The following ST6GALNAC5 variants were observed in gnomAD, a reference collection of about 807,000 sequenced individuals.
ST6GALNAC5 encodes alpha-N-acetylgalactosaminide alpha-2,6-sialyltransferase 5.
Under a neutral mutation model 33.6 loss-of-function variants are expected in ST6GALNAC5, and 27 were observed. The ratio of observed to expected loss-of-function variants is 0.80; its 90% confidence interval spans 0.59 to 1.11. The LOEUF is 1.11. Among genes scored for constraint, ST6GALNAC5 ranks in the 50% least tolerant of loss-of-function variants. The pLI is 0.00. For synonymous variants in ST6GALNAC5, 194 were observed against 171.2 expected, an observed-to-expected ratio of 1.13 and a Z score of -1.04; for missense variants, 428 against 454.0, an observed-to-expected ratio of 0.94 and a Z score of 0.52.
At chr1:76,881,087 T>C (rs1653768091) in intron 2 of ST6GALNAC5, among the ~76,000 whole-genome samples, 1 of 152,194 alleles carries the variant, frequency 6.6e-6, no homozygotes, top group Non-Finnish European at 1.5e-5. Context: ...TGGACAGCTG[T>C]GTAGGGTCTT....
chr1:76,972,630 A>G (rs898422976), intron 2 of ST6GALNAC5, among the ~76,000 whole-genome samples: 1 of 152,338 alleles, frequency 6.6e-6, no homozygotes, highest in East Asian at 1.9e-4. Flanking sequence ...ATAAACCTAC[A>G]AACATAATAC....
At chr1:77,056,832 G>A (rs1015977899) in intron 4 of ST6GALNAC5, among the ~76,000 whole-genome samples, 3 of 152,084 alleles carry the variant, frequency 2.0e-5, no homozygotes, top group African/African-American at 2.4e-5. Flanking sequence ...TGCTCCATGC[G>A]CCTAGACACA....
intron 2 of ST6GALNAC5, among the ~76,000 whole-genome samples, chr1:76,982,663 C>T (rs1201930516): frequency 6.6e-6 from 1 of 152,130 alleles, no homozygotes; most frequent in Non-Finnish European, 1.5e-5. Flanking sequence ...ATACAGAGAA[C>T]ACCACAAAGA....
intron 2 of ST6GALNAC5, among the ~76,000 whole-genome samples, chr1:77,013,788 C>T (rs1650727067): frequency 6.6e-6 from 1 of 152,202 alleles, no homozygotes; most frequent in African/African-American, 2.4e-5. Context: ...GATGGCCTTT[C>T]TGGGATGCCA....
In ST6GALNAC5 at chr1:76,868,790, G is replaced by A. The variant is rs956362311; in HGVS notation, c.261+48G>A. The A allele has an allele frequency of 1.4e-6, 2 of 1,446,192 alleles. No homozygotes were observed. The highest frequency in any genetic ancestry group is 1.4e-5 in the African/African-American group (1 of 69,188). The allele number at this position is 1,446,192 out of a possible 1,614,324, so 89.6% of individuals were successfully genotyped here. A position where few individuals can be genotyped will look rare whatever the true frequency, so the allele number is the denominator to read the frequency against. On this transcript the variant is annotated intron_variant, in intron 2 of 4. Transcript: ENST00000477717. The surrounding 1 kb of genome is among the most constrained non-coding windows in gnomAD (Gnocchi z 4.3). ...GCTCGCCACTCAGCCTGGGGATCCC[G>A]CACACCTGAGCCTTCCCCCTTTCCC... is the stretch of plus-strand genomic sequence containing the variant.
rs538284938 is a variant in ST6GALNAC5, at chr1:76,931,030, T to C, written c.261+62288T>C. 1.3e-4 allele frequency among the ~76,000 whole-genome samples: 20 copies of C among 152,214 alleles called. No homozygotes were observed. The East Asian group carries it at 3.5e-3, about 27-fold the overall frequency. ...GATGGAATATTCATGATGACACATA[T>C]GCAGTAACATGAAAATAAGATGTCA... On this transcript the variant is annotated intron_variant, in intron 2 of 4. Coordinates refer to ENST00000477717, the MANE Select transcript of ST6GALNAC5 (RefSeq NM_030965.3).
At chr1:77,054,551 A>G (rs1183905266) in intron 4 of ST6GALNAC5, among the ~76,000 whole-genome samples, 5 of 152,186 alleles carry the variant, frequency 3.3e-5, no homozygotes, top group Non-Finnish European at 7.3e-5. Flanking sequence ...TTTTCAGGAG[A>G]GTAGAATCAT....
intron 2 of ST6GALNAC5, among the ~76,000 whole-genome samples, chr1:76,880,472 A>G (rs1653753949): frequency 6.6e-6 from 1 of 152,188 alleles, no homozygotes; most frequent in African/African-American, 2.4e-5. Flanking sequence ...ATAATACTTA[A>G]TAGTTTATTA....
Position 76,919,138 on chromosome 1 carries a change from T to A in ST6GALNAC5, c.261+50396T>A, listed in dbSNP as rs748603512. Reference sequence around the variant, plus strand: ...ATCTTCCTTGCAGCTGATTGAGTGATCCCTCTGAAGAACAAACATGATTGA... The same window carrying A: ...ATCTTCCTTGCAGCTGATTGAGTGAACCCTCTGAAGAACAAACATGATTGA... On this transcript the variant is annotated intron_variant, in intron 2 of 4. Coordinates refer to ENST00000477717, the MANE Select transcript of ST6GALNAC5 (RefSeq NM_030965.3). Among the ~76,000 whole-genome samples, 6 of 152,044 alleles carry A rather than the reference T, an allele frequency of 3.9e-5. 1 individual carries two copies. The highest frequency in any genetic ancestry group is 8.8e-5 in the Non-Finnish European group (6 of 68,016).
At chr1:76,880,512 C>G (rs1025422334) in intron 2 of ST6GALNAC5, among the ~76,000 whole-genome samples, 1 of 152,112 alleles carries the variant, frequency 6.6e-6, no homozygotes, top group South Asian at 2.1e-4. Flanking sequence ...ACAGGTTCCA[C>G]AATAGGCTGT....
chr1:76,948,204 C>G (rs760362316), intron 2 of ST6GALNAC5, among the ~76,000 whole-genome samples: 3 of 152,066 alleles, frequency 2.0e-5, no homozygotes, highest in Non-Finnish European at 4.4e-5. Flanking sequence ...TGTGAAACCC[C>G]CCACCTTTGC....
intron 2 of ST6GALNAC5, among the ~76,000 whole-genome samples, chr1:76,881,446 G>A (rs1193416078): frequency 6.6e-6 from 1 of 152,164 alleles, no homozygotes; most frequent in Non-Finnish European, 1.5e-5. Context: ...GATCTGAGCT[G>A]TATGTTTTGT....
chr1:76,934,961 TATTG>T (rs370472421), intron 2 of ST6GALNAC5, among the ~76,000 whole-genome samples: 167 of 152,246 alleles, frequency 1.1e-3, no homozygotes, highest in African/African-American at 3.8e-3. Context: ...GTCATTCTGC[TATTG>T]ATTGTTTCAT....
chr1:76,912,913 T>C (rs1646929485), intron 2 of ST6GALNAC5, among the ~76,000 whole-genome samples: 1 of 151,294 alleles, frequency 6.6e-6, no homozygotes, highest in Non-Finnish European at 1.5e-5. Context: ...ATTTAGTCCA[T>C]TTACATTTAA....
intron 2 of ST6GALNAC5, among the ~76,000 whole-genome samples, chr1:76,876,064 G>T (rs1397308215): frequency 6.6e-6 from 1 of 152,232 alleles, no homozygotes. Context: ...TCCACGGAAG[G>T]TAGTCTTGGC....
chr1:76,888,497 A>T (rs554390730), intron 2 of ST6GALNAC5, among the ~76,000 whole-genome samples: 1 of 152,308 alleles, frequency 6.6e-6, no homozygotes, highest in Non-Finnish European at 1.5e-5. Flanking sequence ...ATCGCCTTTT[A>T]AGAGTCATGT....
intron 2 of ST6GALNAC5, among the ~76,000 whole-genome samples, chr1:77,038,273 G>C (rs1651723249): frequency 6.6e-6 from 1 of 152,126 alleles, no homozygotes; most frequent in Non-Finnish European, 1.5e-5. Context: ...GGAACAGCTT[G>C]GAAGAGTAAC....
chr1:76,996,190 T>C (rs1044098756), intron 2 of ST6GALNAC5, among the ~76,000 whole-genome samples: 49 of 152,194 alleles, frequency 3.2e-4, no homozygotes, highest in African/African-American at 1.1e-3. Context: ...CTTGAACCCC[T>C]GTCTTCTAAC....
chr1:76,970,684 T>C (rs1648713905), intron 2 of ST6GALNAC5, among the ~76,000 whole-genome samples: 1 of 152,086 alleles, frequency 6.6e-6, no homozygotes, highest in African/African-American at 2.4e-5. Flanking sequence ...AGGCCAACAT[T>C]CAAATTCAGG....
Sources: gnomAD v4.1 joint callset for allele counts (sites outside exome capture counted in the v4.1 genomes callset) on GRCh38, gnomAD v4.1.1 for gene constraint, Gnocchi (gnomAD v3.1) non-coding constraint, MANE v1.5 for transcripts, NCBI Gene and HGNC (gene_info 2026-07-23, HGNC 2026-07-21) for gene names.